DLGAP2: variants seen among roughly 807,000 people sequenced by gnomAD.
The protein encoded by DLGAP2 is DLG associated protein 2.
A neutral mutation model predicts 100.3 loss-of-function variants in DLGAP2; 26 were observed. The observed-to-expected ratio is 0.26, with a 90% CI of 0.19 to 0.36. The LOEUF is 0.36. Ranked by LOEUF, DLGAP2 falls within the 10% of genes least tolerant of loss-of-function variation. The probability of loss-of-function intolerance (pLI) is 1.00; values close to 1 mark genes in which losing one functional copy is unlikely to be tolerated. For missense variants in DLGAP2, 1,858 were observed against 1,453.2 expected (o/e 1.28, Z -4.53); for synonymous variants, 886 against 630.1 (o/e 1.41, Z -6.08).
chr8:1,282,371 AC>A (rs1369728380), intron 3 of DLGAP2, among the ~76,000 whole-genome samples: 1 of 131,732 alleles, frequency 7.6e-6, no homozygotes, highest in Non-Finnish European at 1.6e-5. Flanking sequence ...TGTGACCTGA[AC>A]CCAGCACCTG....
intron 1 of DLGAP2, among the ~76,000 whole-genome samples, chr8:801,570 C>G (rs562056287): frequency 7.2e-5 from 11 of 152,304 alleles, no homozygotes; most frequent in Admixed American, 6.5e-4. Context: ...AGCCCTGGGT[C>G]TTTCCTGAGT....
At chr8:883,020 G>A (rs1352070329) in intron 1 of DLGAP2, among the ~76,000 whole-genome samples, 1 of 152,244 alleles carries the variant, frequency 6.6e-6, no homozygotes, top group African/African-American at 2.4e-5. Context: ...CACGGGCTCT[G>A]GTCCTCTAAC....
intron 3 of DLGAP2, among the ~76,000 whole-genome samples, chr8:1,282,920 A>T (rs1382270406): frequency 1.5e-5 from 2 of 131,348 alleles, no homozygotes; most frequent in African/African-American, 5.6e-5. Context: ...CCAGCACGTG[A>T]ACCATCCAGA....
chr8:868,985 G>A (rs1012225750), intron 1 of DLGAP2, among the ~76,000 whole-genome samples: 1 of 152,180 alleles, frequency 6.6e-6, no homozygotes, highest in African/African-American at 2.4e-5. Flanking sequence ...TTTGATTACC[G>A]TTTGGTCTAA....
At chr8:1,389,419 A>G (rs1202475368) in intron 3 of DLGAP2, among the ~76,000 whole-genome samples, 2 of 152,090 alleles carry the variant, frequency 1.3e-5, no homozygotes, top group East Asian at 1.9e-4. Context: ...GCTTGGAATG[A>G]TAACACGGGA....
intron 2 of DLGAP2, among the ~76,000 whole-genome samples, chr8:1,237,110 GCCTAGT>G (rs1798675827): frequency 1.6e-5 from 1 of 60,786 alleles, no homozygotes; most frequent in African/African-American, 7.1e-5. Context: ...ATGGCACCGT[GCCTAGT>G]TCTGTCTCAC....
intron 2 of DLGAP2, among the ~76,000 whole-genome samples, chr8:1,025,514 C>G (rs1267796087): frequency 1.3e-5 from 2 of 152,072 alleles, no homozygotes; most frequent in Non-Finnish European, 2.9e-5. Flanking sequence ...CAAAGAGTTA[C>G]CAGAATAGTT....
intron 8 of DLGAP2, among the ~76,000 whole-genome samples, chr8:1,658,084 A>C (rs1245878375): frequency 6.6e-6 from 1 of 151,996 alleles, no homozygotes; most frequent in Non-Finnish European, 1.5e-5. Context: ...GATTGGTTAG[A>C]CCAGATGTGA....
At chr8:1,616,232 A>T (rs1360785218) in intron 6 of DLGAP2, among the ~76,000 whole-genome samples, 1 of 152,210 alleles carries the variant, frequency 6.6e-6, no homozygotes, top group Non-Finnish European at 1.5e-5. Flanking sequence ...TATTAAAAAA[A>T]AGAATAGAGC....
At chr8:1,492,824 C>T (rs1799430154) in intron 3 of DLGAP2, among the ~76,000 whole-genome samples, 1 of 152,176 alleles carries the variant, frequency 6.6e-6, no homozygotes, top group South Asian at 2.1e-4. Flanking sequence ...CTGTGTACGA[C>T]CACGGAGAGC....
chr8:856,906 C>T (rs535196618), intron 1 of DLGAP2, among the ~76,000 whole-genome samples: 11 of 152,204 alleles, frequency 7.2e-5, no homozygotes, highest in Non-Finnish European at 1.6e-4. Flanking sequence ...GCAGAAGACC[C>T]AGACAAGTTA....
intron 9 of DLGAP2, 49 bp from the exon 10 acceptor site, chr8:1,669,694 A>C (rs1280472868): frequency 1.3e-6 from 1 of 780,658 alleles, no homozygotes; most frequent in Non-Finnish European, 2.4e-6. Flanking sequence ...CCGCTGGTCC[A>C]GGGCCTCCGA....
At chr8:1,212,394 G>A (rs527269439) in intron 2 of DLGAP2, among the ~76,000 whole-genome samples, 1 of 152,182 alleles carries the variant, frequency 6.6e-6, no homozygotes, top group Non-Finnish European at 1.5e-5. Context: ...CCAGGTTATG[G>A]CACAGATGAT....
intron 3 of DLGAP2, among the ~76,000 whole-genome samples, chr8:1,298,527 C>T (rs1260106794): frequency 6.6e-6 from 1 of 152,074 alleles, no homozygotes; most frequent in Non-Finnish European, 1.5e-5. Context: ...TGAGAGGCAG[C>T]GTACCCTGCA....
intron 2 of DLGAP2, among the ~76,000 whole-genome samples, chr8:1,091,778 C>T (rs1299342434): frequency 2.0e-5 from 3 of 152,030 alleles, no homozygotes; most frequent in African/African-American, 7.2e-5. Flanking sequence ...TCCATGGCCC[C>T]CGACCCTCTC....
chr8:1,179,778 G>A (rs901854166), intron 2 of DLGAP2, among the ~76,000 whole-genome samples: 6 of 152,118 alleles, frequency 3.9e-5, no homozygotes, highest in African/African-American at 1.4e-4. Flanking sequence ...TTTTGAACTA[G>A]AGAATAAAAA....
chr8:1,093,056 C>T (rs1029582205), intron 2 of DLGAP2, among the ~76,000 whole-genome samples: 5 of 132,746 alleles, frequency 3.8e-5, no homozygotes, highest in African/African-American at 1.4e-4. Flanking sequence ...CTGAGGCTGG[C>T]AGCTGAGGCT....
intron 2 of DLGAP2, among the ~76,000 whole-genome samples, chr8:1,096,392 A>G (rs1291517598): frequency 6.6e-6 from 1 of 152,280 alleles, no homozygotes; most frequent in Non-Finnish European, 1.5e-5. Flanking sequence ...TTTAGGGACC[A>G]GTGTGTTAGC....
intron 2 of DLGAP2, among the ~76,000 whole-genome samples, chr8:1,088,183 G>A (rs1167604567): frequency 6.6e-6 from 1 of 152,150 alleles, no homozygotes; most frequent in Admixed American, 6.5e-5. Flanking sequence ...CCCCTAAATG[G>A]GCCCTGCAAT....
Sources: gnomAD v4.1 joint callset for allele counts (sites outside exome capture counted in the v4.1 genomes callset) on GRCh38, gnomAD v4.1.1 for gene constraint, MANE v1.5 for transcripts, NCBI Gene and HGNC (gene_info 2026-07-23, HGNC 2026-07-21) for gene names.